Variants in BAZ2B observed in about 807,000 individuals in gnomAD.
The protein encoded by BAZ2B is bromodomain adjacent to zinc finger domain protein 2B.
A neutral mutation model predicts 246.0 loss-of-function variants in BAZ2B; 91 were observed. The observed-to-expected ratio is 0.37, with a 90% CI of 0.31 to 0.44. The LOEUF (loss-of-function observed/expected upper bound fraction) is 0.44, where lower values mean the gene tolerates loss of function less well. Ranked by LOEUF, BAZ2B falls within the 20% of genes least tolerant of loss-of-function variation. The pLI is 1.00. For missense variants in BAZ2B, 2,332 were observed against 2,533.7 expected, an observed-to-expected ratio of 0.92 and a Z score of 1.71; for synonymous variants, 855 against 860.0, an observed-to-expected ratio of 0.99 and a Z score of 0.10.
chr2:159,342,258 C>G (rs182257189), intron 31 of BAZ2B, among the ~76,000 whole-genome samples: 45 of 152,282 alleles, frequency 3.0e-4, no homozygotes, highest in African/African-American at 1.1e-3. Flanking sequence ...AAGCAATTTA[C>G]AGATTCAATG....
At chr2:159,578,344 T>C (rs749109093) in intron 1 of BAZ2B, among the ~76,000 whole-genome samples, 1 of 152,100 alleles carries the variant, frequency 6.6e-6, no homozygotes, top group Non-Finnish European at 1.5e-5. Context: ...AAAAGAAAAG[T>C]TCTATGGTAA....
chr2:159,362,629 C>T (rs747369298), intron 27 of BAZ2B, among the ~76,000 whole-genome samples: 1 of 152,108 alleles, frequency 6.6e-6, no homozygotes, highest in African/African-American at 2.4e-5. Context: ...AACAAAGTCC[C>T]GATGTCATGG....
intron 1 of BAZ2B, among the ~76,000 whole-genome samples, chr2:159,567,575 G>GCCCA (rs1682942019): frequency 6.6e-6 from 1 of 152,208 alleles, no homozygotes; most frequent in African/African-American, 2.4e-5. Flanking sequence ...GCTAAAATAA[G>GCCCA]AGGGTTTGAG....
At chr2:159,631,618 C>T in the BAZ2B span, among the ~76,000 whole-genome samples, 2 of 152,090 alleles carry the variant, frequency 1.3e-5, no homozygotes, top group South Asian at 4.2e-4. Flanking sequence ...TAAGGTGGCT[C>T]CCATTGGCCA....
At chr2:159,429,526 T>A (rs2070687317) in intron 10 of BAZ2B, among the ~76,000 whole-genome samples, 1 of 152,116 alleles carries the variant, frequency 6.6e-6, no homozygotes, top group Non-Finnish European at 1.5e-5. Flanking sequence ...ACACCTTTCC[T>A]CTCATTTTAT....
At chr2:159,467,510 G>A (rs1038127238) in intron 3 of BAZ2B, among the ~76,000 whole-genome samples, 1 of 152,096 alleles carries the variant, frequency 6.6e-6, no homozygotes, top group African/African-American at 2.4e-5. Context: ...ATCCCAGAAT[G>A]GAATCTCTTT....
intron 30 of BAZ2B, among the ~76,000 whole-genome samples, chr2:159,348,162 T>TA (rs976511305): frequency 4.0e-5 from 6 of 150,290 alleles, no homozygotes; most frequent in Admixed American, 1.3e-4. Flanking sequence ...CTACAAAAAA[T>TA]AAAAAAAACT....
chr2:159,320,872 G>A (rs2062637915), intron 36 of BAZ2B, among the ~76,000 whole-genome samples: 1 of 152,206 alleles, frequency 6.6e-6, no homozygotes, highest in Non-Finnish European at 1.5e-5. Flanking sequence ...CACTTGTCCT[G>A]TAGCTTCTAT....
At chr2:159,606,579 G>A (rs1220373553) in intron 1 of BAZ2B, among the ~76,000 whole-genome samples, 1 of 152,040 alleles carries the variant, frequency 6.6e-6, no homozygotes. Context: ...ACTAAACTTA[G>A]ACACTAGATA....
At chr2:159,618,509 A>G (rs72954388), upstream of BAZ2B, among the ~76,000 whole-genome samples, 78 of 152,272 alleles carry the variant, frequency 5.1e-4, no homozygotes, top group Admixed American at 9.2e-4. Flanking sequence ...AATATAGATT[A>G]AAATATAAGT....
At chr2:159,475,732 G>A (rs1050632585) in intron 3 of BAZ2B, among the ~76,000 whole-genome samples, 8 of 152,110 alleles carry the variant, frequency 5.3e-5, no homozygotes, top group Admixed American at 2.0e-4. Flanking sequence ...TTTGGATGGC[G>A]TTTCTGTGTA....
At chr2:159,402,588 G>A (rs377483008) in intron 16 of BAZ2B, among the ~76,000 whole-genome samples, 3 of 152,258 alleles carry the variant, frequency 2.0e-5, no homozygotes, top group African/African-American at 4.8e-5. Flanking sequence ...CTTGATATCT[G>A]AGAAAAGTAT....
Position 159,438,473 on chromosome 2 carries a change from T to C in BAZ2B, c.1123A>G (p.Ile375Val), listed in dbSNP as rs752255932. The change falls in exon 8 of 37, where the codon ATA (isoleucine) becomes GTA (valine). Residue 375 changes from isoleucine to valine, a missense_variant. Around this residue, in one of 9 missense-constraint regions of BAZ2B, gnomAD observed 161 missense variants for 225.8 expected, o/e 0.71. Transcript: ENST00000392783. ...EESVNKHTSV[I>V]QSTGLVSNVK... ...TTGGACACCAATCCCGTAGACTGTA[T>C]TACACTGGTGTGTTTGTTCACAGAT... is the stretch of plus-strand genomic sequence containing the variant. The C allele has an allele frequency of 5.0e-6, 8 of 1,614,194 alleles. No individual in the cohort carries two copies. Among genetic ancestry groups the C allele is most frequent in the East Asian group, 2.2e-5 (1 of 44,880 alleles).
chr2:159,592,390 T>C (rs1180027870), intron 1 of BAZ2B, among the ~76,000 whole-genome samples: 1 of 152,234 alleles, frequency 6.6e-6, no homozygotes, highest in Non-Finnish European at 1.5e-5. Context: ...GCTCAAGCCA[T>C]TCTCCTGCCT....
chr2:159,673,565 G>A, the BAZ2B span, among the ~76,000 whole-genome samples: 1 of 152,102 alleles, frequency 6.6e-6, no homozygotes, highest in African/African-American at 2.4e-5. Flanking sequence ...GTGATGAATT[G>A]TAGCATTATT....
At chr2:159,413,105 C>T (rs2067083263) in intron 13 of BAZ2B, among the ~76,000 whole-genome samples, 1 of 152,166 alleles carries the variant, frequency 6.6e-6, no homozygotes, top group South Asian at 2.1e-4. Context: ...AGGTATCAGC[C>T]TCCTGATGGA....
chr2:159,641,860 TA>T, the BAZ2B span, among the ~76,000 whole-genome samples: 2 of 152,200 alleles, frequency 1.3e-5, no homozygotes, highest in African/African-American at 2.4e-5. Context: ...ATTATTTTCA[TA>T]TTTTTCCTTT....
chr2:159,642,591 C>T, the BAZ2B span, among the ~76,000 whole-genome samples: 1 of 151,848 alleles, frequency 6.6e-6, no homozygotes, highest in Non-Finnish European at 1.5e-5. Flanking sequence ...GTGACTTTTA[C>T]TAATTTTTGG....
chr2:159,641,751 G>A, the BAZ2B span, among the ~76,000 whole-genome samples: 11,665 of 151,942 alleles, frequency 0.077, 948 homozygotes, highest in African/African-American at 0.2. Context: ...GTAAGGAGGG[G>A]GTCCAGTTTC....
Sources: gnomAD v4.1 joint callset for allele counts (sites outside exome capture counted in the v4.1 genomes callset) on GRCh38, gnomAD v4.1.1 for gene constraint, gnomAD v4.1.1 regional missense constraint, MANE v1.5 for transcripts, NCBI Gene and HGNC (gene_info 2026-07-23, HGNC 2026-07-21) for gene names.